EPHA3: variants seen among roughly 807,000 people sequenced by gnomAD.
EPHA3 encodes EPH receptor A3, also known as ephrin type-A receptor 3.
Under a neutral mutation model 107.1 loss-of-function variants are expected in EPHA3, and 42 were observed. That is an observed-to-expected ratio of 0.39 (90% CI 0.31 to 0.51). EPHA3 has a LOEUF of 0.51. EPHA3 is among the 20% of genes least tolerant of loss of function. EPHA3 has a pLI of 0.78. For synonymous variants in EPHA3, 461 were observed against 424.8 expected, an observed-to-expected ratio of 1.09 and a Z score of -1.05; for missense variants, 1,183 against 1,211.2, an observed-to-expected ratio of 0.98 and a Z score of 0.35.
chr3:89,143,832 A>C (rs1045250136), intron 2 of EPHA3, among the ~76,000 whole-genome samples: 2 of 151,752 alleles, frequency 1.3e-5, no homozygotes, highest in African/African-American at 4.8e-5. Context: ...TTTAGTAGGA[A>C]GGAATTTTTT....
intron 2 of EPHA3, among the ~76,000 whole-genome samples, chr3:89,184,395 C>A (rs1179507371): frequency 6.6e-6 from 1 of 151,948 alleles, no homozygotes; most frequent in African/African-American, 2.4e-5. Context: ...GTTTGAAAGG[C>A]CTCCATTCAT....
chr3:89,279,969 CAG>C (rs59678825), intron 3 of EPHA3, among the ~76,000 whole-genome samples: 5,192 of 151,924 alleles, frequency 0.034, 298 homozygotes, highest in African/African-American at 0.12. Context: ...CTTATGAACT[CAG>C]GGGAAAATAT....
At chr3:89,331,224 T>G (rs1340315896) in intron 3 of EPHA3, among the ~76,000 whole-genome samples, 1 of 152,220 alleles carries the variant, frequency 6.6e-6, no homozygotes, top group Non-Finnish European at 1.5e-5. Flanking sequence ...GATTTTTTAT[T>G]GTGTATGTGC....
chr3:89,299,276 T>C (rs1706430196), intron 3 of EPHA3, among the ~76,000 whole-genome samples: 1 of 152,042 alleles, frequency 6.6e-6, no homozygotes, highest in Non-Finnish European at 1.5e-5. Context: ...TCAAGGTGGA[T>C]TAAATCATTG....
At chr3:89,471,438 G>C (rs903370731) in intron 15 of EPHA3, among the ~76,000 whole-genome samples, 1 of 152,040 alleles carries the variant, frequency 6.6e-6, no homozygotes, top group South Asian at 2.1e-4. Flanking sequence ...GCATGAACTC[G>C]GCTCACCGCA....
Position 89,467,206 on chromosome 3 carries a change from A to T in EPHA3, c.2691-5258A>T, listed in dbSNP as rs187640498. 3.4e-3 allele frequency among the ~76,000 whole-genome samples: 511 copies of T among 152,340 alleles called. 20 individuals carry two copies. The highest frequency in any genetic ancestry group is 0.031 in the Admixed American group (474 of 15,296). On this transcript the variant is annotated intron_variant, in intron 15 of 16. Transcript: ENST00000336596. Reference sequence around the variant, plus strand: ...CTGAAATACATTGGGGAAACATTTGAAATTTTAAAAAACAGTTATAAAATG... The same window carrying T: ...CTGAAATACATTGGGGAAACATTTGTAATTTTAAAAAACAGTTATAAAATG...
chr3:89,392,843 T>C (rs1331710978), intron 5 of EPHA3, among the ~76,000 whole-genome samples: 3 of 152,002 alleles, frequency 2.0e-5, no homozygotes, highest in Admixed American at 6.6e-5. Flanking sequence ...ATATTCTAAA[T>C]TGTGTCACAG....
intron 15 of EPHA3, among the ~76,000 whole-genome samples, chr3:89,454,904 G>A (rs1710066264): frequency 6.6e-6 from 1 of 152,048 alleles, no homozygotes; most frequent in Non-Finnish European, 1.5e-5. Flanking sequence ...TGTAGCAGAA[G>A]GATTGCTTAA....
chr3:89,194,922 A>G (rs976855871), intron 2 of EPHA3, among the ~76,000 whole-genome samples: 4 of 152,066 alleles, frequency 2.6e-5, no homozygotes, highest in South Asian at 2.1e-4. Flanking sequence ...TGTTGGAAAG[A>G]GCAATTTCGA....
At chr3:89,453,528 C>A (rs1710036827) in intron 15 of EPHA3, among the ~76,000 whole-genome samples, 1 of 152,028 alleles carries the variant, frequency 6.6e-6, no homozygotes, top group Non-Finnish European at 1.5e-5. Context: ...GAAAAGACAA[C>A]CATCTCAATG....
rs183558881 is a variant in EPHA3 at position 89,351,584 on chromosome 3, G to A, written c.1306+9494G>A. ...GCAGAAATCACCCGTCTTCTGCGTC[G>A]CTCACGCTGGGAGCTGTAGACCGGA... On this transcript the variant is annotated intron_variant, in intron 5 of 16. Coordinates refer to ENST00000336596, the MANE Select transcript of EPHA3 (RefSeq NM_005233.6). Among the ~76,000 whole-genome samples, 36 of 151,254 alleles carry A rather than the reference G, an allele frequency of 2.4e-4. 1 individual carries two copies. The highest frequency in any genetic ancestry group is 2.3e-3 in the East Asian group (12 of 5,154).
intron 5 of EPHA3, among the ~76,000 whole-genome samples, chr3:89,364,561 G>A (rs895143807): frequency 6.0e-5 from 9 of 151,140 alleles, no homozygotes; most frequent in African/African-American, 1.7e-4. Context: ...CCTGGCCTGA[G>A]GCCATGCAAA....
chr3:89,314,479 G>A (rs1706849844), intron 3 of EPHA3, among the ~76,000 whole-genome samples: 1 of 151,796 alleles, frequency 6.6e-6, no homozygotes, highest in African/African-American at 2.4e-5. Flanking sequence ...AAGATCCAAA[G>A]CACCCTGATT....
At chr3:89,266,869 C>T (rs1705549801) in intron 3 of EPHA3, among the ~76,000 whole-genome samples, 1 of 151,980 alleles carries the variant, frequency 6.6e-6, no homozygotes, top group Non-Finnish European at 1.5e-5. Context: ...TCTCAAAACC[C>T]ATTTTAACGT....
intron 2 of EPHA3, among the ~76,000 whole-genome samples, chr3:89,203,701 T>C (rs779900765): frequency 1.1e-4 from 17 of 151,880 alleles, no homozygotes; most frequent in East Asian, 3.9e-4. Flanking sequence ...GGCGTGAACC[T>C]GGGAGGCGCA....
At chr3:89,262,690 T>C (rs1304293813) in intron 3 of EPHA3, among the ~76,000 whole-genome samples, 3 of 152,216 alleles carry the variant, frequency 2.0e-5, no homozygotes, top group Non-Finnish European at 2.9e-5. Context: ...TCTCAACTCC[T>C]AACAGGAGGG....
At chr3:89,150,599 A>G (rs1704671158) in intron 2 of EPHA3, among the ~76,000 whole-genome samples, 2 of 152,046 alleles carry the variant, frequency 1.3e-5, no homozygotes, top group South Asian at 4.1e-4. Flanking sequence ...TATACATATT[A>G]TTGAGAAAAC....
chr3:89,207,957 A>G (rs1320028896), intron 2 of EPHA3, among the ~76,000 whole-genome samples: 1 of 152,192 alleles, frequency 6.6e-6, no homozygotes, highest in African/African-American at 2.4e-5. Context: ...TCATGAATTA[A>G]ATTTACAAAT....
At chr3:89,151,674 T>C (rs1704693474) in intron 2 of EPHA3, among the ~76,000 whole-genome samples, 1 of 151,980 alleles carries the variant, frequency 6.6e-6, no homozygotes, top group Non-Finnish European at 1.5e-5. Flanking sequence ...GGAGCATAAT[T>C]CCAAACTAAT....
Sources: allele counts gnomAD v4.1 joint callset (sites outside exome capture counted in the v4.1 genomes callset), GRCh38; gene constraint gnomAD v4.1.1; transcripts MANE v1.5; gene names NCBI Gene and HGNC (gene_info 2026-07-23, HGNC 2026-07-21).